Variants in PRKN observed in about 807,000 individuals in gnomAD.
The protein encoded by PRKN is E3 ubiquitin-protein ligase parkin.
Under a neutral mutation model 59.5 loss-of-function variants are expected in PRKN, and 56 were observed. The ratio of observed to expected loss-of-function variants is 0.94; its 90% confidence interval spans 0.76 to 1.18. PRKN has a LOEUF of 1.18. Ranked by LOEUF, PRKN falls within the 50% of genes most tolerant of loss-of-function variation. The pLI, the probability that PRKN is intolerant of heterozygous loss-of-function variation, is 0.00. For synonymous variants in PRKN, 250 were observed against 222.1 expected, an observed-to-expected ratio of 1.13 and a Z score of -1.12; for missense variants, 657 against 596.4, an observed-to-expected ratio of 1.10 and a Z score of -1.06.
intron 1 of PRKN, among the ~76,000 whole-genome samples, chr6:162,645,844 T>C (rs972957771): frequency 2.0e-5 from 3 of 149,794 alleles, no homozygotes; most frequent in East Asian, 3.9e-4. Context: ...ATTCTGACCC[T>C]GAGCCACAGT....
chr6:162,518,809 CACA>C (rs1331708453), intron 1 of PRKN, among the ~76,000 whole-genome samples: 2 of 152,166 alleles, frequency 1.3e-5, no homozygotes, highest in Admixed American at 1.3e-4. Flanking sequence ...TTGAATTATT[CACA>C]ACACTTCATC....
intron 1 of PRKN, among the ~76,000 whole-genome samples, chr6:162,548,404 T>G (rs978347907): frequency 5.3e-5 from 8 of 152,156 alleles, no homozygotes; most frequent in Admixed American, 3.9e-4. Context: ...GAATGCATAC[T>G]TAGGTTTCTG....
At chr6:162,345,112 G>C (rs938959332) in intron 2 of PRKN, among the ~76,000 whole-genome samples, 1 of 152,146 alleles carries the variant, frequency 6.6e-6, no homozygotes, top group Middle Eastern at 3.2e-3. Context: ...TCCCATTCCA[G>C]ATGTGAAGAG....
chr6:162,083,568 T>A lies in PRKN; in HGVS notation c.535-29394A>T, dbSNP rs189378092. Among the ~76,000 whole-genome samples the A allele has an allele frequency of 1.7e-3, 252 of 152,280 alleles. 2 individuals are homozygous for A. The highest frequency in any genetic ancestry group is 0.014 in the Middle Eastern group (4 of 294). On this transcript the variant is annotated intron_variant, in intron 4 of 11. Transcript: ENST00000366898. ...ATGAATAATGCTTTTTATTGTAATT[T>A]TGTTTTTACTTCCAAAAAGAGAAAT...
At chr6:162,209,133 G>A (rs1397023237) in intron 3 of PRKN, among the ~76,000 whole-genome samples, 1 of 152,084 alleles carries the variant, frequency 6.6e-6, no homozygotes, top group Non-Finnish European at 1.5e-5. Context: ...CTGCACAGCA[G>A]AAACTATCAT....
chr6:162,660,526 C>T (rs73597979), intron 1 of PRKN, among the ~76,000 whole-genome samples: 3,147 of 152,240 alleles, frequency 0.021, 113 homozygotes, highest in African/African-American at 0.071. Context: ...TCTATGACCC[C>T]CTTGGATAAC....
chr6:162,240,216 T>C (rs1045432798), intron 3 of PRKN, among the ~76,000 whole-genome samples: 2 of 152,278 alleles, frequency 1.3e-5, no homozygotes, highest in Non-Finnish European at 2.9e-5. Flanking sequence ...GAAAAACAAT[T>C]AAAAATTTTT....
intron 1 of PRKN, 118 bp downstream of exon 1, chr6:162,727,544 C>A: frequency 8.5e-7 from 1 of 1,179,866 alleles, no homozygotes; most frequent in Non-Finnish European, 1.2e-6. Flanking sequence ...GGCACGGGCA[C>A]TTTGGCCCCG....
intron 9 of PRKN, among the ~76,000 whole-genome samples, chr6:161,425,839 T>A (rs1025035016): frequency 6.6e-6 from 1 of 152,164 alleles, no homozygotes; most frequent in African/African-American, 2.4e-5. Flanking sequence ...ATTCCCCCCA[T>A]ATTCACACGG....
At chr6:162,159,832 G>C (rs1307794573) in intron 4 of PRKN, among the ~76,000 whole-genome samples, 1 of 152,176 alleles carries the variant, frequency 6.6e-6, no homozygotes, top group Non-Finnish European at 1.5e-5. Context: ...CAAAATGTAA[G>C]TGTAATTCAG....
chr6:162,094,291 A>C (rs939055603), intron 4 of PRKN, among the ~76,000 whole-genome samples: 1 of 151,988 alleles, frequency 6.6e-6, no homozygotes, highest in South Asian at 2.1e-4. Context: ...GGAGTTCAAG[A>C]CAAGCCTGGG....
At chr6:162,183,783 G>A (rs1020254417) in intron 4 of PRKN, among the ~76,000 whole-genome samples, 8 of 152,202 alleles carry the variant, frequency 5.3e-5, no homozygotes, top group Middle Eastern at 3.4e-3. Context: ...GCAGTATGCC[G>A]CCCCTCGATC....
Position 161,674,570 on chromosome 6 carries a change from A to G in PRKN, c.872-105154T>C, listed in dbSNP as rs1213765344. ...GAACTATAATTTTTTAAAAATTTAA[A>G]TTTTAGATTCAGGAGGTACACGTGC... On this transcript the variant is annotated intron_variant, in intron 7 of 11. Transcript: ENST00000366898. 2.6e-5 allele frequency among the ~76,000 whole-genome samples: 4 copies of G among 152,240 alleles called. No individual in the cohort carries two copies. In the East Asian group the frequency reaches 5.8e-4, roughly 22 times the overall value.
intron 7 of PRKN, among the ~76,000 whole-genome samples, chr6:161,597,376 A>G (rs2128142460): frequency 6.6e-6 from 1 of 152,330 alleles, no homozygotes; most frequent in South Asian, 2.1e-4. Context: ...CTGCATAGCT[A>G]GGGCTTATTG....
At chr6:161,450,531 T>C (rs1405313484) in intron 9 of PRKN, among the ~76,000 whole-genome samples, 1 of 152,186 alleles carries the variant, frequency 6.6e-6, no homozygotes, top group East Asian at 1.9e-4. Flanking sequence ...AAACCACTCA[T>C]ACCATGATTT....
chr6:161,563,779 G>A (rs1181562087), intron 8 of PRKN, among the ~76,000 whole-genome samples: 1 of 152,174 alleles, frequency 6.6e-6, no homozygotes, highest in African/African-American at 2.4e-5. Flanking sequence ...CTGCCATACA[G>A]TAATGAATTA....
At chr6:161,903,557 A>G (rs1778017143) in intron 6 of PRKN, among the ~76,000 whole-genome samples, 2 of 152,136 alleles carry the variant, frequency 1.3e-5, no homozygotes, top group Admixed American at 1.3e-4. Flanking sequence ...TGAACATCAA[A>G]TATTATTTGT....
At chr6:161,814,352 GAC>G (rs1791680026) in intron 6 of PRKN, among the ~76,000 whole-genome samples, 1 of 152,196 alleles carries the variant, frequency 6.6e-6, no homozygotes, top group Non-Finnish European at 1.5e-5. Context: ...TTTCTAAAGA[GAC>G]ACAGTGTATT....
intron 1 of PRKN, among the ~76,000 whole-genome samples, chr6:162,720,246 G>A (rs1430776168): frequency 6.6e-6 from 1 of 152,154 alleles, no homozygotes; most frequent in Non-Finnish European, 1.5e-5. Context: ...CTCATTTGAT[G>A]AGGGTAGGAG....
Sources: allele counts gnomAD v4.1 joint callset (sites outside exome capture counted in the v4.1 genomes callset), GRCh38; gene constraint gnomAD v4.1.1; transcripts MANE v1.5; gene names NCBI Gene and HGNC (gene_info 2026-07-23, HGNC 2026-07-21).